The following STIM2 variants were observed in gnomAD, a reference collection of about 807,000 sequenced individuals.
STIM2 encodes the protein stromal interaction molecule 2.
STIM2 carries 31 observed loss-of-function variants against 85.8 expected under a neutral mutation model. The observed-to-expected ratio is 0.36, with a 90% CI of 0.27 to 0.49. The LOEUF is 0.49. STIM2 is among the 20% of genes least tolerant of loss of function. STIM2 has a pLI of 0.98. For synonymous variants in STIM2, 356 were observed against 331.1 expected, an observed-to-expected ratio of 1.08 and a Z score of -0.82; for missense variants, 841 against 927.6, an observed-to-expected ratio of 0.91 and a Z score of 1.21.
intron 1 of STIM2, among the ~76,000 whole-genome samples, chr4:26,872,170 T>G: frequency 6.6e-6 from 1 of 152,182 alleles, no homozygotes; most frequent in East Asian, 1.9e-4. Context: ...ATGTTGCATT[T>G]AAAAAAGTAT....
chr4:26,951,354 T>C (rs1726045470), intron 2 of STIM2, among the ~76,000 whole-genome samples: 1 of 152,150 alleles, frequency 6.6e-6, no homozygotes, highest in Non-Finnish European at 1.5e-5. Context: ...CCACACAAAG[T>C]CCCGTCTTTT....
intron 2 of STIM2, among the ~76,000 whole-genome samples, chr4:26,933,334 T>C (rs1039409341): frequency 1.3e-5 from 2 of 152,176 alleles, no homozygotes; most frequent in Non-Finnish European, 2.9e-5. Flanking sequence ...AAGAAAATTA[T>C]GGATTTTTAG....
intron 4 of STIM2, among the ~76,000 whole-genome samples, chr4:26,996,219 T>TA (rs1727955049): frequency 6.6e-6 from 1 of 152,058 alleles, no homozygotes; most frequent in Non-Finnish European, 1.5e-5. Context: ...CATTTGCAAG[T>TA]ACCAAATGAT....
intron 1 of STIM2, among the ~76,000 whole-genome samples, chr4:26,895,959 C>G (rs1218651901): frequency 1.3e-5 from 2 of 152,172 alleles, no homozygotes; most frequent in Non-Finnish European, 2.9e-5. Flanking sequence ...GGTGATGAGT[C>G]TGGGCATGGT....
intron 1 of STIM2, among the ~76,000 whole-genome samples, chr4:26,893,942 G>A (rs1723599316): frequency 6.6e-6 from 1 of 152,074 alleles, no homozygotes; most frequent in African/African-American, 2.4e-5. Context: ...AGGCTAGAGT[G>A]CAGTGGCGTG....
chr4:26,914,954 T>C (rs1021181513), intron 1 of STIM2, among the ~76,000 whole-genome samples: 6 of 152,188 alleles, frequency 3.9e-5, no homozygotes, highest in Non-Finnish European at 7.3e-5. Flanking sequence ...CCTGGCAATA[T>C]CTGTGATAGC....
intron 1 of STIM2, among the ~76,000 whole-genome samples, chr4:26,900,029 G>A (rs1466045852): frequency 1.3e-5 from 2 of 152,240 alleles, no homozygotes; most frequent in South Asian, 2.1e-4. Context: ...AAACCGAGAA[G>A]TCTTTTATTA....
chr4:26,885,863 A>ATATGTG (rs1723221506), intron 1 of STIM2, among the ~76,000 whole-genome samples: 1 of 123,316 alleles, frequency 8.1e-6, no homozygotes. Context: ...ATATATATAT[A>ATATGTG]TATATATATA....
chr4:26,967,406 A>G (rs920858587), intron 3 of STIM2, among the ~76,000 whole-genome samples: 2 of 152,164 alleles, frequency 1.3e-5, no homozygotes, highest in Admixed American at 1.3e-4. Flanking sequence ...GAAATCAGTA[A>G]TGGCCATCAG....
chr4:27,010,181 G>A (rs1353641744), intron 10 of STIM2, among the ~76,000 whole-genome samples: 1 of 152,096 alleles, frequency 6.6e-6, no homozygotes, highest in African/African-American at 2.4e-5. Flanking sequence ...GCCAGGCACG[G>A]TGGCCTGTAA....
At chr4:26,953,135 C>T (rs954800087) in intron 2 of STIM2, among the ~76,000 whole-genome samples, 3 of 152,120 alleles carry the variant, frequency 2.0e-5, no homozygotes, top group Non-Finnish European at 2.9e-5. Flanking sequence ...AGTAAAGAAA[C>T]TGTGGTGGTT....
intron 2 of STIM2, among the ~76,000 whole-genome samples, chr4:26,949,435 A>G (rs182939048): frequency 9.3e-4 from 142 of 152,340 alleles, no homozygotes; most frequent in Non-Finnish European, 1.6e-3. Flanking sequence ...GATGAACTAT[A>G]TAACTCATCA....
chr4:26,893,083 C>T (rs1723556038), intron 1 of STIM2, among the ~76,000 whole-genome samples: 9 of 152,154 alleles, frequency 5.9e-5, no homozygotes, highest in Admixed American at 5.9e-4. Context: ...CCTTCAGGTC[C>T]TTGATAGTGG....
chr4:27,016,720 T>C (rs538826469), intron 10 of STIM2, among the ~76,000 whole-genome samples: 2 of 152,226 alleles, frequency 1.3e-5, no homozygotes, highest in Non-Finnish European at 2.9e-5. Context: ...TCCAGAGCAC[T>C]GACTCATTAT....
chr4:26,943,665 C>T (rs961985256), intron 2 of STIM2, among the ~76,000 whole-genome samples: 17 of 151,970 alleles, frequency 1.1e-4, no homozygotes, highest in Admixed American at 6.6e-4. Flanking sequence ...GTGCTAGCAG[C>T]GCTCCGTTAG....
rs571590058 is a variant in STIM2, at chr4:27,005,839, A to G, written c.982-1694A>G. On this transcript the variant is annotated intron_variant, in intron 7 of 11. Transcript: ENST00000467087. ...CTTTGAGCTCTTTTAGGGGAAATAC[A>G]TTTATGGAAATATTAAGAAAAATCT... 5.7e-4 allele frequency among the ~76,000 whole-genome samples: 87 copies of G among 152,336 alleles called. 1 individual carries two copies. The Middle Eastern group carries it at 0.014, about 24-fold the overall frequency.
chr4:26,997,450 A>G (rs1426185602), intron 4 of STIM2, among the ~76,000 whole-genome samples: 2 of 152,176 alleles, frequency 1.3e-5, no homozygotes, highest in Non-Finnish European at 2.9e-5. Context: ...GGCTGTCTTC[A>G]CCTGACACAT....
chr4:26,999,371 G>A (rs1479493277), intron 5 of STIM2, 24 bp downstream of exon 5: 3 of 1,479,044 alleles, frequency 2.0e-6, no homozygotes, highest in Non-Finnish European at 2.8e-6. Flanking sequence ...CTCACTCAGA[G>A]GATGATGTAA....
rs759501224 is a variant in STIM2 at position 27,003,007 on chromosome 4, A to G, written c.884A>G (p.Asn295Ser). 1.5e-5 allele frequency: 24 copies of G among 1,602,006 alleles called. No individual in the cohort carries two copies. Among genetic ancestry groups the G allele is most frequent in the Non-Finnish European group, 1.8e-5 (21 of 1,176,034 alleles). ...GAGCGCAAAATGATGGATGAAATCA[A>G]TTATGCAAAGGAGGAGGCTTGTCGG... The change falls in exon 7 of 12, where the codon AAT (asparagine) becomes AGT (serine). Residue 295 changes from asparagine (N) to serine (S), a missense_variant. Physicochemically the swap from Asn to Ser is conservative, Grantham distance 46. Coordinates refer to ENST00000467087, the MANE Select transcript of STIM2 (RefSeq NM_020860.4).
Sources: gnomAD v4.1 joint callset for allele counts (sites outside exome capture counted in the v4.1 genomes callset) on GRCh38, gnomAD v4.1.1 for gene constraint, MANE v1.5 for transcripts, NCBI Gene and HGNC (gene_info 2026-07-23, HGNC 2026-07-21) for gene names.